The following NRXN1 variants were observed in gnomAD, a reference collection of about 807,000 sequenced individuals.
The protein encoded by NRXN1 is neurexin-1.
A neutral mutation model predicts 150.9 loss-of-function variants in NRXN1; 39 were observed. The ratio of observed to expected loss-of-function variants is 0.26; its 90% confidence interval spans 0.20 to 0.34. NRXN1 has a LOEUF of 0.34. NRXN1 is among the 10% of genes least tolerant of loss of function. The probability of loss-of-function intolerance (pLI) is 1.00; values close to 1 mark genes in which losing one functional copy is unlikely to be tolerated. For synonymous variants in NRXN1, 924 were observed against 757.0 expected (o/e 1.22, Z -3.62); for missense variants, 1,815 against 1,949.9 (o/e 0.93, Z 1.30).
At chr2:50,957,290 T>C (rs1437230067) in intron 2 of NRXN1, among the ~76,000 whole-genome samples, 3 of 152,264 alleles carry the variant, frequency 2.0e-5, no homozygotes, top group African/African-American at 7.2e-5. Flanking sequence ...AGTTATTTAA[T>C]CTCTCTCAGC....
At chr2:50,452,836 A>G (rs1162918412) in intron 17 of NRXN1, among the ~76,000 whole-genome samples, 1 of 152,316 alleles carries the variant, frequency 6.6e-6, no homozygotes, top group East Asian at 1.9e-4. Flanking sequence ...CTATTATTTC[A>G]AAGAACACAA....
At chr2:50,087,885 C>A (rs1699020212) in intron 19 of NRXN1, among the ~76,000 whole-genome samples, 1 of 152,068 alleles carries the variant, frequency 6.6e-6, no homozygotes, top group African/African-American at 2.4e-5. Context: ...AGTGTTGCTA[C>A]CAGATGAATT....
At chr2:50,004,369 T>C (rs150609732) in intron 21 of NRXN1, among the ~76,000 whole-genome samples, 48 of 152,170 alleles carry the variant, frequency 3.2e-4, no homozygotes, top group African/African-American at 1.1e-3. Context: ...AAAGTTAAGG[T>C]ATATATAGAG....
intron 17 of NRXN1, among the ~76,000 whole-genome samples, chr2:50,358,531 A>G (rs1212525048): frequency 6.6e-6 from 1 of 152,192 alleles, no homozygotes; most frequent in Non-Finnish European, 1.5e-5. Context: ...GCCTCTCTAG[A>G]TTCCTGCCCT....
chr2:50,618,448 G>A (rs1679394902), intron 8 of NRXN1, among the ~76,000 whole-genome samples: 2 of 151,912 alleles, frequency 1.3e-5, no homozygotes, highest in African/African-American at 4.8e-5. Context: ...TTATTCATTT[G>A]TAAACATTGT....
chr2:50,538,369 G>T lies in NRXN1; in HGVS notation c.2027C>A (p.Thr676Lys). ...AGGGTTGCTAAGGCACGGTTTTGCT[G>T]TTTCCTTTGAGCAGGAAGGCTTCAC... Reference protein sequence around the residue: ...AGVKPSCSKETAKPCLSNPCK... With the variant: ...AGVKPSCSKEKAKPCLSNPCK... The change falls in exon 10 of 23, where the codon ACA becomes AAA. Residue 676 changes from threonine (T) to lysine (K), a missense_variant. Thr to Lys is a moderately conservative substitution (Grantham distance 78). Around this residue, in one of 6 missense-constraint regions of NRXN1, gnomAD observed 638 missense variants for 652.6 expected, o/e 0.98. Coordinates refer to ENST00000401669, the MANE Select transcript of NRXN1 (RefSeq NM_001330078.2). The T allele has an allele frequency of 6.2e-7, 1 of 1,613,954 alleles. No homozygotes were observed. Among genetic ancestry groups the T allele is most frequent in the Non-Finnish European group, 8.5e-7 (1 of 1,179,880 alleles).
chr2:50,561,322 T>C (rs1417806095), intron 8 of NRXN1, among the ~76,000 whole-genome samples: 1 of 152,232 alleles, frequency 6.6e-6, no homozygotes, highest in Non-Finnish European at 1.5e-5. Context: ...TTTTCTCACA[T>C]TAGTGATTCA....
At chr2:50,856,352 G>T (rs1485350106) in intron 5 of NRXN1, among the ~76,000 whole-genome samples, 1 of 151,984 alleles carries the variant, frequency 6.6e-6, no homozygotes, top group Non-Finnish European at 1.5e-5. Flanking sequence ...GAAAGCAAGA[G>T]AAAGTCTAAG....
intron 5 of NRXN1, among the ~76,000 whole-genome samples, chr2:50,887,302 C>T (rs1680396936): frequency 6.6e-6 from 1 of 151,558 alleles, no homozygotes; most frequent in African/African-American, 2.4e-5. Flanking sequence ...CCAAACTCTA[C>T]ATAAAAACTA....
In NRXN1 at chr2:50,254,303, C is replaced by CTTT. The variant is rs3080643; in HGVS notation, c.3365-17336_3365-17334dup. 2.4e-3 allele frequency among the ~76,000 whole-genome samples: 352 copies of CTTT among 149,532 alleles called. 5 individuals are homozygous for CTTT. Among genetic ancestry groups the CTTT allele is most frequent in the Middle Eastern group, 6.9e-3 (2 of 288 alleles). On this transcript the variant is annotated intron_variant, in intron 17 of 22. Coordinates refer to ENST00000401669, the MANE Select transcript of NRXN1 (RefSeq NM_001330078.2). Reference sequence around the variant, plus strand: ...TATTGTGTCAATTTGATTATTTTCTCTTTTTTTTTATTAGTCTAGCTATCA... The same window carrying CTTT: ...TATTGTGTCAATTTGATTATTTTCTCTTTTTTTTTTTTATTAGTCTAGCTATCA...
chr2:50,495,149 T>C (rs2091493741), intron 15 of NRXN1, among the ~76,000 whole-genome samples: 1 of 151,954 alleles, frequency 6.6e-6, no homozygotes. Flanking sequence ...CCTGTTGTAG[T>C]GTTAAATTAG....
chr2:50,406,221 G>A (rs1426117186), intron 17 of NRXN1, among the ~76,000 whole-genome samples: 5 of 151,984 alleles, frequency 3.3e-5, no homozygotes, highest in African/African-American at 1.2e-4. Context: ...ATTGGGAGAA[G>A]ACATGATGGG....
chr2:50,943,986 C>T (rs946166462), intron 2 of NRXN1, among the ~76,000 whole-genome samples: 17 of 152,158 alleles, frequency 1.1e-4, no homozygotes, highest in South Asian at 1.0e-3. Flanking sequence ...AATGGAGAAA[C>T]GAAAAACCAT....
At chr2:50,274,482 C>T (rs1317432809) in intron 17 of NRXN1, among the ~76,000 whole-genome samples, 1 of 152,044 alleles carries the variant, frequency 6.6e-6, no homozygotes, top group Non-Finnish European at 1.5e-5. Context: ...TTGATGCGTG[C>T]AGCAAATCAC....
At chr2:50,312,056 G>T (rs916183558) in intron 17 of NRXN1, among the ~76,000 whole-genome samples, 31 of 152,178 alleles carry the variant, frequency 2.0e-4, no homozygotes, top group African/African-American at 7.5e-4. Context: ...ATTTTTGATT[G>T]TTAGTGTTAA....
chr2:50,588,784 T>C (rs1410517074), intron 8 of NRXN1: 1 of 152,136 alleles, frequency 6.6e-6, no homozygotes, highest in Non-Finnish European at 1.5e-5. Context: ...CGGCAGATCA[T>C]TTGATGTTAC....
intron 2 of NRXN1, among the ~76,000 whole-genome samples, chr2:50,958,887 T>C (rs1276382226): frequency 5.3e-5 from 8 of 152,136 alleles, no homozygotes; most frequent in Non-Finnish European, 8.8e-5. Flanking sequence ...ATTTCTAGTT[T>C]GCCATTACAA....
chr2:50,093,473 G>GA (rs11413489), intron 18 of NRXN1, among the ~76,000 whole-genome samples: 73,016 of 140,560 alleles, frequency 0.52, 19,328 homozygotes, highest in African/African-American at 0.57. Flanking sequence ...AAAAGAAAAA[G>GA]AAAAAAAAAA....
chr2:50,316,477 C>G (rs1349212405), intron 17 of NRXN1, among the ~76,000 whole-genome samples: 1 of 151,998 alleles, frequency 6.6e-6, no homozygotes, highest in Non-Finnish European at 1.5e-5. Context: ...CACATGCAAC[C>G]AGTATAGCCA....
Sources: allele counts gnomAD v4.1 joint callset (sites outside exome capture counted in the v4.1 genomes callset), GRCh38; gene constraint gnomAD v4.1.1; regional missense constraint gnomAD v4.1.1; transcripts MANE v1.5; gene names NCBI Gene and HGNC (gene_info 2026-07-23, HGNC 2026-07-21).